The following TRAK2 variants were observed in gnomAD, a reference collection of about 807,000 sequenced individuals.
The protein encoded by TRAK2 is trafficking kinesin-binding protein 2.
In TRAK2, 81 loss-of-function variants were observed where a neutral mutation model predicts 104.6. The observed-to-expected ratio is 0.77, with a 90% CI of 0.65 to 0.93. The LOEUF is 0.93. Among genes scored for constraint, TRAK2 ranks in the 40% least tolerant of loss-of-function variants. TRAK2 has a pLI of 0.00. For synonymous variants in TRAK2, 406 were observed against 394.4 expected (o/e 1.03, Z -0.35); for missense variants, 1,002 against 1,089.0 (o/e 0.92, Z 1.12).
chr2:201,441,755 G>T (rs935786925), intron 1 of TRAK2, among the ~76,000 whole-genome samples: 2 of 148,872 alleles, frequency 1.3e-5, no homozygotes, highest in Non-Finnish European at 3.0e-5. Context: ...GCAGAGGCGC[G>T]ATCTCAGCTC....
At chr2:201,420,358 G>A (rs1240296053) in intron 2 of TRAK2, 59 bp downstream of exon 2, 1 of 1,399,810 alleles carries the variant, frequency 7.1e-7, no homozygotes, top group East Asian at 2.3e-5. Flanking sequence ...GCTGGACTGA[G>A]GCATTTGCAT....
At chr2:201,411,459 A>G in intron 2 of TRAK2, 2 of 743,962 alleles carry the variant, frequency 2.7e-6, no homozygotes, top group South Asian at 1.3e-5. Context: ...TTGATTTCCT[A>G]TGTCCAAAGA....
chr2:201,415,481 T>C lies in TRAK2; in HGVS notation c.91+4936A>G, dbSNP rs1285951796. On this transcript the variant is annotated intron_variant, in intron 2 of 15. Coordinates refer to ENST00000332624, the MANE Select transcript of TRAK2 (RefSeq NM_015049.3). ...TTTTTTATATCCTCTATTTTTAATA[T>C]GCTCAAAGATTTAAGGGGAAAATAT... is the stretch of plus-strand genomic sequence containing the variant. 5.3e-5 allele frequency among the ~76,000 whole-genome samples: 8 copies of C among 152,138 alleles called. 1 individual carries two copies. The highest frequency in any genetic ancestry group is 1.4e-4 in the African/African-American group (6 of 41,422).
intron 2 of TRAK2, among the ~76,000 whole-genome samples, chr2:201,416,405 C>CA (rs113793699): frequency 6.0e-5 from 9 of 150,466 alleles, no homozygotes; most frequent in Non-Finnish European, 1.0e-4. Flanking sequence ...GACCCTTTCT[C>CA]AAAAAAAAAG....
Position 201,434,451 on chromosome 2 carries a change from C to T in TRAK2, c.-199-13745G>A, listed in dbSNP as rs537826773. On this transcript the variant is annotated intron_variant, in intron 1 of 15. Coordinates refer to ENST00000332624, the MANE Select transcript of TRAK2 (RefSeq NM_015049.3). Reference sequence around the variant, plus strand: ...ACATGCTATAAATAATAATAATGGCCGAGTTAAAATATTCATCTGTTGATG... The same window carrying T: ...ACATGCTATAAATAATAATAATGGCTGAGTTAAAATATTCATCTGTTGATG... Among the ~76,000 whole-genome samples the T allele has an allele frequency of 3.9e-5, 6 of 151,962 alleles. No individual in the cohort carries two copies. In the East Asian group the frequency reaches 7.7e-4, roughly 20 times the overall value.
At position 201,399,406 on chromosome 2, in the gene TRAK2, C is replaced by A. The variant is rs1476302461; in HGVS notation, c.451G>T (p.Glu151Ter). ...HVLSEQNESL[E>*]EQLGQAFDQV... ...TCAAAGGCTTGTCCCAATTGCTCCT[C>A]CAGGGATTCGTTCTGCTCAGATAAG... is the stretch of plus-strand genomic sequence containing the variant. The change falls in exon 5 of 16, where the codon GAG becomes TAG. Residue 151 changes from glutamate to a stop codon, truncating the protein, a stop_gained. Transcript: ENST00000332624. LOFTEE classifies it high-confidence loss of function. 1 of 1,611,840 alleles carries A rather than the reference C, an allele frequency of 6.2e-7. No individual in the cohort carries two copies. The highest frequency in any genetic ancestry group is 8.5e-7 in the Non-Finnish European group (1 of 1,178,414).
chr2:201,433,963 C>CA (rs545744105), intron 1 of TRAK2, among the ~76,000 whole-genome samples: 5 of 146,800 alleles, frequency 3.4e-5, no homozygotes, highest in Non-Finnish European at 7.5e-5. Context: ...CATAATCATT[C>CA]TTTTTTTTTT....
chr2:201,450,198 T>C (rs918778867), intron 1 of TRAK2, among the ~76,000 whole-genome samples: 6 of 151,948 alleles, frequency 3.9e-5, no homozygotes, highest in Admixed American at 6.6e-5. Context: ...GGGTGGATCA[T>C]GAGGTCAAGA....
At chr2:201,422,218 T>C (rs140815639) in intron 1 of TRAK2, among the ~76,000 whole-genome samples, 79 of 152,108 alleles carry the variant, frequency 5.2e-4, no homozygotes, top group Middle Eastern at 3.4e-3. Flanking sequence ...GGGATAAGGA[T>C]GCCCATACGG....
chr2:201,441,704 T>C (rs1220128793), intron 1 of TRAK2, among the ~76,000 whole-genome samples: 2 of 149,462 alleles, frequency 1.3e-5, no homozygotes, highest in Non-Finnish European at 3.0e-5. Context: ...TTTAATTTTC[T>C]CCCCCGAGAC....
chr2:201,381,957 T>G (rs1360249579), intron 15 of TRAK2, among the ~76,000 whole-genome samples: 1 of 152,216 alleles, frequency 6.6e-6, no homozygotes, highest in African/African-American at 2.4e-5. Flanking sequence ...ACTTCAGTAT[T>G]CAGTAATACT....
chr2:201,392,734 T>C (rs1054168900), intron 10 of TRAK2, among the ~76,000 whole-genome samples, 175 bp downstream of exon 10: 4 of 152,032 alleles, frequency 2.6e-5, no homozygotes, highest in Admixed American at 2.0e-4. Context: ...TAAATAAGAG[T>C]ATTAAGGAAG....
intron 9 of TRAK2, among the ~76,000 whole-genome samples, chr2:201,393,559 A>C (rs1026624443): frequency 2.6e-5 from 4 of 152,194 alleles, no homozygotes; most frequent in Admixed American, 6.5e-5. Context: ...AAAAGAGTAC[A>C]TAATTTTCAG....
chr2:201,449,831 G>A (rs1013517375), intron 1 of TRAK2, among the ~76,000 whole-genome samples: 1 of 151,986 alleles, frequency 6.6e-6, no homozygotes, highest in Admixed American at 6.6e-5. Flanking sequence ...TTTTAGTAGA[G>A]ACGGGGTTTC....
At chr2:201,412,340 G>C (rs1576522037) in intron 2 of TRAK2, 1 of 1,328,790 alleles carries the variant, frequency 7.5e-7, no homozygotes, top group African/African-American at 1.4e-5. Context: ...TCAAAGAAGG[G>C]AATCTTTGTC....
At position 201,415,712 on chromosome 2, in the gene TRAK2, C is replaced by T. The variant is rs1951686160; in HGVS notation, c.91+4705G>A. ...AGAAAAAAAGATTGGGGGGAGAAAA[C>T]TGAACAGAACATCAGTGGCTGTGTC... On this transcript the variant is annotated intron_variant, in intron 2 of 15. Coordinates refer to ENST00000332624, the MANE Select transcript of TRAK2 (RefSeq NM_015049.3). 2.0e-5 allele frequency among the ~76,000 whole-genome samples: 3 copies of T among 152,092 alleles called. No individual in the cohort carries two copies. In the South Asian group the frequency reaches 6.2e-4, roughly 32 times the overall value.
At chr2:201,392,424 C>T (rs1054564469) in intron 10 of TRAK2, among the ~76,000 whole-genome samples, 8 of 152,040 alleles carry the variant, frequency 5.3e-5, no homozygotes, top group African/African-American at 1.9e-4. Context: ...CTAATATAAA[C>T]TCAGAAGTTT....
chr2:201,436,814 G>A (rs1222765359), intron 1 of TRAK2, among the ~76,000 whole-genome samples: 1 of 152,098 alleles, frequency 6.6e-6, no homozygotes, highest in South Asian at 2.1e-4. Flanking sequence ...TCAAGTCAAC[G>A]AAGTAATCAG....
intron 2 of TRAK2, chr2:201,413,277 G>T: frequency 7.8e-7 from 1 of 1,290,036 alleles, no homozygotes; most frequent in Non-Finnish European, 1.1e-6. Flanking sequence ...TTCTGTAACA[G>T]TACTCTTCAA....
Sources: allele counts gnomAD v4.1 joint callset (sites outside exome capture counted in the v4.1 genomes callset), GRCh38; gene constraint gnomAD v4.1.1; transcripts MANE v1.5; gene names NCBI Gene and HGNC (gene_info 2026-07-23, HGNC 2026-07-21).